NANS: variants seen among roughly 807,000 people sequenced by gnomAD.
NANS encodes the protein N-acetylneuraminate synthase.
NANS carries 29 observed loss-of-function variants against 33.3 expected under a neutral mutation model. The ratio of observed to expected loss-of-function variants is 0.87; its 90% CI spans 0.65 to 1.19. The LOEUF (loss-of-function observed/expected upper bound fraction) is 1.19, where lower values mean the gene tolerates loss of function less well. Among genes scored for constraint, NANS ranks in the 50% most tolerant of loss-of-function variants. The probability of loss-of-function intolerance (pLI) is 0.00; values close to 1 mark genes in which losing one functional copy is unlikely to be tolerated. For synonymous variants in NANS, 163 were observed against 177.2 expected, an observed-to-expected ratio of 0.92 and a Z score of 0.64; for missense variants, 394 against 461.1, an observed-to-expected ratio of 0.85 and a Z score of 1.33.
intron 2 of NANS, among the ~76,000 whole-genome samples, chr9:98,069,110 A>C (rs897926124): frequency 1.3e-5 from 2 of 152,220 alleles, no homozygotes; most frequent in African/African-American, 4.8e-5. Flanking sequence ...AGAAATGAAA[A>C]CTTAACATTC....
At chr9:98,076,593 T>G in intron 2 of NANS, 2 of 273,450 alleles carry the variant, frequency 7.3e-6, no homozygotes, top group Non-Finnish European at 1.4e-5. Context: ...CAGGCTAGTC[T>G]CAAACTCCTG....
chr9:98,063,979 C>G (rs1829060224), intron 2 of NANS, among the ~76,000 whole-genome samples: 1 of 152,092 alleles, frequency 6.6e-6, no homozygotes, highest in African/African-American at 2.4e-5. Context: ...AACACTTTTT[C>G]TTTTGGTCAA....
In NANS at chr9:98,056,842, T is replaced by G. The variant is rs1316408115; in HGVS notation, c.34T>G (p.Trp12Gly). 4 of 1,522,740 alleles carry G rather than the reference T, an allele frequency of 2.6e-6. No homozygotes were observed. Among genetic ancestry groups the G allele is most frequent in the Non-Finnish European group, 3.6e-6 (4 of 1,114,978 alleles). The allele number at this position is 1,522,740 out of a possible 1,614,324, so 94.3% of individuals were successfully genotyped here. A position where few individuals can be genotyped will look rare whatever the true frequency, so the allele number is the denominator to read the frequency against. Residue 12 changes from tryptophan (W) to glycine (G), a missense_variant, in exon 1 of 6, where the codon TGG becomes GGG. Trp to Gly is a radical substitution (Grantham distance 184, BLOSUM62 -2). Coordinates refer to ENST00000210444, the MANE Select transcript of NANS (RefSeq NM_018946.4). Reference protein sequence around the residue: ...PLELELCPGRWVGGQHPCFII... With the variant: ...PLELELCPGRGVGGQHPCFII... ...GGAGCTGGAGCTGTGTCCCGGGCGC[T>G]GGGTGGGCGGGCAACACCCGTGCTT...
chr9:98,067,120 T>G (rs1829171246), intron 2 of NANS, among the ~76,000 whole-genome samples: 1 of 152,244 alleles, frequency 6.6e-6, no homozygotes, highest in Non-Finnish European at 1.5e-5. Context: ...ATAATTCAAT[T>G]TTATGGCTAT....
chr9:98,080,783 AT>A, intron 4 of NANS, 32 bp from the exon 5 acceptor site: 1 of 1,544,364 alleles, frequency 6.5e-7, no homozygotes, highest in Non-Finnish European at 8.7e-7. Context: ...GCAGCATGAT[AT>A]TTAATGTTAT....
chr9:98,057,922 G>GTTTTTTTTTTTTTTTT (rs35104052), intron 1 of NANS, among the ~76,000 whole-genome samples: 5 of 78,084 alleles, frequency 6.4e-5, no homozygotes, highest in African/African-American at 1.1e-4. Context: ...TTTTTTCCTG[G>GTTTTTTTTTTTTTTTT]TTTTTTTTTT....
In NANS at chr9:98,081,195, C is replaced by G. The variant is rs114706293; in HGVS notation, c.870+113C>G. The G allele has an allele frequency of 8.8e-4, 1,256 of 1,419,614 alleles. 6 individuals are homozygous for G. The African/African-American group carries it at 0.015, about 17-fold the overall frequency. The allele number at this position is 1,419,614 out of a possible 1,614,324, so 87.9% of individuals were successfully genotyped here. A position where few individuals can be genotyped will look rare whatever the true frequency, so the allele number is the denominator to read the frequency against. ...CCCTGAGCCAGGCTGATGAAATGAT[C>G]AGTGAATGTGCTCCCACCCGTGTCA... On this transcript the variant is annotated intron_variant, in intron 5 of 5. Coordinates refer to ENST00000210444, the MANE Select transcript of NANS (RefSeq NM_018946.4).
At chr9:98,062,916 T>G (rs935780220) in intron 2 of NANS, among the ~76,000 whole-genome samples, 1 of 151,682 alleles carries the variant, frequency 6.6e-6, no homozygotes, top group Non-Finnish European at 1.5e-5. Flanking sequence ...TAAAAAAAGT[T>G]TCTTCAATTT....
intron 5 of NANS, chr9:98,081,344 A>C: frequency 4.0e-6 from 2 of 499,072 alleles, no homozygotes; most frequent in Non-Finnish European, 3.6e-6. Context: ...TCTTCCACTA[A>C]TTCTCTGAAG....
At chr9:98,069,074 G>C (rs531049334) in intron 2 of NANS, among the ~76,000 whole-genome samples, 1 of 152,140 alleles carries the variant, frequency 6.6e-6, no homozygotes, top group African/African-American at 2.4e-5. Flanking sequence ...TGACCCACCA[G>C]TTGTCATTTG....
At chr9:98,070,235 A>C (rs1829277936) in intron 2 of NANS, among the ~76,000 whole-genome samples, 1 of 152,072 alleles carries the variant, frequency 6.6e-6, no homozygotes, top group Non-Finnish European at 1.5e-5. Context: ...CTCCTGCTTC[A>C]GCCTCCCAAG....
rs768017987 is a variant in NANS, at chr9:98,060,963, T to C, written c.314T>C (p.Val105Ala). The stretch of plus-strand genomic sequence containing the variant: ...GAGCTGCAGAGGTACGCCGAGGAGG[T>C]TGGGATCTTCTTCACTGCCTCTGGC... ...YRELQRYAEE[V>A]GIFFTASGMD... Residue 105 changes from valine to alanine, a missense_variant, in exon 2 of 6, where the codon GTT becomes GCT. Transcript: ENST00000210444. 2.5e-6 allele frequency: 4 copies of C among 1,613,662 alleles called. No homozygotes were observed. The highest frequency in any genetic ancestry group is 3.3e-5 in the Admixed American group (2 of 59,974).
At chr9:98,076,520 G>T (rs1412833222) in intron 2 of NANS, 2 of 190,760 alleles carry the variant, frequency 1.0e-5, no homozygotes, top group Admixed American at 6.4e-5. Context: ...GATCACAGGT[G>T]CCCGCCACCA....
At chr9:98,080,470 T>C (rs960018387) in intron 4 of NANS, among the ~76,000 whole-genome samples, 2 of 152,286 alleles carry the variant, frequency 1.3e-5, no homozygotes, top group Non-Finnish European at 2.9e-5. Flanking sequence ...GCTAATTAAA[T>C]GTGACAGATG....
At chr9:98,068,688 C>T (rs574598254) in intron 2 of NANS, among the ~76,000 whole-genome samples, 1 of 151,464 alleles carries the variant, frequency 6.6e-6, no homozygotes, top group South Asian at 2.1e-4. Context: ...TGGTGTGTGC[C>T]TGTAGCCTCA....
chr9:98,065,654 C>A (rs934259503), intron 2 of NANS, among the ~76,000 whole-genome samples: 2 of 147,966 alleles, frequency 1.4e-5, no homozygotes, highest in Non-Finnish European at 3.0e-5. Context: ...TTTTTTTTTC[C>A]CCCTGGAGAC....
chr9:98,065,820 A>T (rs368235458), intron 2 of NANS, among the ~76,000 whole-genome samples: 3 of 152,188 alleles, frequency 2.0e-5, no homozygotes, highest in South Asian at 2.1e-4. Flanking sequence ...AATGAGTCTC[A>T]TGAGATCTGA....
At chr9:98,064,043 CAT>C (rs1038921059) in intron 2 of NANS, among the ~76,000 whole-genome samples, 6 of 152,188 alleles carry the variant, frequency 3.9e-5, no homozygotes, top group African/African-American at 9.7e-5. Context: ...AGTTCTAAAA[CAT>C]GTGTGTCGAC....
rs536627189 is a variant in NANS, at chr9:98,059,614, T to C, written c.133-1168T>C. On this transcript the variant is annotated intron_variant, in intron 1 of 5. Coordinates refer to ENST00000210444, the MANE Select transcript of NANS (RefSeq NM_018946.4). ...ATTTTTTGTAGAGACAGGGTCTTAC[T>C]ATGTTGCCGAGGCTGGTCTTGAACT... Among the ~76,000 whole-genome samples the C allele has an allele frequency of 6.6e-5, 10 of 152,270 alleles. 1 individual carries two copies. In the South Asian group the frequency reaches 2.1e-3, roughly 32 times the overall value.
Sources: gnomAD v4.1 joint callset for allele counts (sites outside exome capture counted in the v4.1 genomes callset) on GRCh38, gnomAD v4.1.1 for gene constraint, MANE v1.5 for transcripts, NCBI Gene and HGNC (gene_info 2026-07-23, HGNC 2026-07-21) for gene names.